ADRA1A: variants seen among roughly 807,000 people sequenced by gnomAD.
ADRA1A encodes alpha-1A adrenergic receptor.
Under a neutral mutation model 29.6 loss-of-function variants are expected in ADRA1A, and 31 were observed. The observed-to-expected ratio is 1.05, with a 90% CI of 0.79 to 1.41. ADRA1A has a LOEUF of 1.41. Ranked by LOEUF, ADRA1A falls within the 40% of genes most tolerant of loss-of-function variation. The pLI is 0.00. For synonymous variants in ADRA1A, 311 were observed against 254.3 expected, an observed-to-expected ratio of 1.22 and a Z score of -2.12; for missense variants, 619 against 601.1, an observed-to-expected ratio of 1.03 and a Z score of -0.31.
intron 2 of ADRA1A, among the ~76,000 whole-genome samples, chr8:26,857,816 G>T (rs568897830): frequency 1.3e-5 from 2 of 152,146 alleles, no homozygotes; most frequent in African/African-American, 4.8e-5. Context: ...TTGGGCATCC[G>T]CAGAGGGTTT....
At chr8:26,786,640 C>T (rs745782288) in intron 2 of ADRA1A, among the ~76,000 whole-genome samples, 5 of 151,944 alleles carry the variant, frequency 3.3e-5, no homozygotes, top group Non-Finnish European at 4.4e-5. Flanking sequence ...CAACCTCTGT[C>T]CCCTCCACTC....
At chr8:26,788,746 T>C (rs980284817) in intron 2 of ADRA1A, among the ~76,000 whole-genome samples, 1 of 152,084 alleles carries the variant, frequency 6.6e-6, no homozygotes, top group Non-Finnish European at 1.5e-5. Context: ...AACCCATGCT[T>C]GCCTGGCTCC....
chr8:26,859,256 A>G (rs889515845), intron 2 of ADRA1A: 2 of 1,157,704 alleles, frequency 1.7e-6, no homozygotes, highest in East Asian at 5.8e-5. Flanking sequence ...CACATTTTGC[A>G]TGAAAAACAT....
At chr8:26,819,143 C>A (rs1809976730) in intron 2 of ADRA1A, among the ~76,000 whole-genome samples, 1 of 152,012 alleles carries the variant, frequency 6.6e-6, no homozygotes, top group South Asian at 2.1e-4. Flanking sequence ...ACAGGAGAAA[C>A]CTTGCTGGCC....
downstream of ADRA1A, among the ~76,000 whole-genome samples, chr8:26,751,846 A>G (rs1363693675): frequency 3.9e-5 from 6 of 152,218 alleles, no homozygotes; most frequent in Admixed American, 6.5e-5. Context: ...CTCGTTTTAC[A>G]GGTAAGGAAA....
At chr8:26,814,442 TG>T (rs1378967663) in intron 2 of ADRA1A, among the ~76,000 whole-genome samples, 2 of 152,250 alleles carry the variant, frequency 1.3e-5, no homozygotes, top group East Asian at 3.9e-4. Context: ...AAAAAGTATT[TG>T]TAGAGATGGG....
intron 2 of ADRA1A, among the ~76,000 whole-genome samples, chr8:26,783,017 C>A (rs1420282324): frequency 1.3e-5 from 2 of 152,174 alleles, no homozygotes; most frequent in Admixed American, 6.5e-5. Context: ...CATTCCAGTT[C>A]TGGCCACCAC....
At chr8:26,820,679 T>G (rs1245358100) in intron 2 of ADRA1A, among the ~76,000 whole-genome samples, 1 of 152,198 alleles carries the variant, frequency 6.6e-6, no homozygotes, top group African/African-American at 2.4e-5. Flanking sequence ...CACATGCCTA[T>G]GCCAATATGC....
chr8:26,758,507 A>C (rs983944513), intron 2 of ADRA1A, among the ~76,000 whole-genome samples: 10 of 152,226 alleles, frequency 6.6e-5, no homozygotes, highest in African/African-American at 2.4e-4. Flanking sequence ...TTATCACCTC[A>C]TAAGGCATTT....
Position 26,794,434 on chromosome 8 carries a change from G to T in ADRA1A, c.884-23768C>A, listed in dbSNP as rs1050506337. On this transcript the variant is annotated intron_variant, in intron 2 of 2. Transcript: ENST00000380573. The stretch of plus-strand genomic sequence containing the variant: ...TCTTGCATGAATTTTGGGATACAGG[G>T]CCAGATAGTAAATATTTTAGGCCTT... Among the ~76,000 whole-genome samples, 4 of 152,140 alleles carry T rather than the reference G, an allele frequency of 2.6e-5. No individual in the cohort carries two copies. In the East Asian group the frequency reaches 7.7e-4, roughly 29 times the overall value.
intron 2 of ADRA1A, among the ~76,000 whole-genome samples, chr8:26,837,484 C>T (rs1811465124): frequency 1.3e-5 from 2 of 152,072 alleles, no homozygotes; most frequent in Admixed American, 1.3e-4. Flanking sequence ...AACCCCATCT[C>T]TATTAAAAAC....
intron 2 of ADRA1A, among the ~76,000 whole-genome samples, chr8:26,801,259 A>T (rs1808556262): frequency 6.6e-6 from 1 of 152,158 alleles, no homozygotes; most frequent in South Asian, 2.1e-4. Context: ...TTAACATGGT[A>T]CTGGGAGTCC....
downstream of ADRA1A, among the ~76,000 whole-genome samples, chr8:26,755,414 G>A (rs1805116796): frequency 6.6e-6 from 1 of 152,144 alleles, no homozygotes; most frequent in Non-Finnish European, 1.5e-5. Flanking sequence ...GAGCAGTTGT[G>A]TGGTTTGCCT....
At chr8:26,765,186 T>C (rs1342937502), downstream of ADRA1A, among the ~76,000 whole-genome samples, 1 of 152,148 alleles carries the variant, frequency 6.6e-6, no homozygotes, top group African/African-American at 2.4e-5. Flanking sequence ...TCCTTTTAGG[T>C]GGGAGAACCA....
At chr8:26,788,743 G>A (rs34111897) in intron 2 of ADRA1A, among the ~76,000 whole-genome samples, 12,973 of 151,994 alleles carry the variant, frequency 0.085, 849 homozygotes, top group African/African-American at 0.17. Context: ...TCAAACCCAT[G>A]CTTGCCTGGC....
rs143451564 is a variant in ADRA1A at position 26,769,870 on chromosome 8, A to G, written c.*279T>C. 1.3e-5 allele frequency: 15 copies of G among 1,178,466 alleles called. No homozygotes were observed. In the African/African-American group the frequency reaches 2.0e-4, roughly 16 times the overall value. 73.0% of individuals were successfully genotyped at this position (1,178,466 alleles called of 1,614,324 possible). A position where few individuals can be genotyped will look rare whatever the true frequency, so the allele number is the denominator to read the frequency against. On this transcript the variant is annotated 3_prime_UTR_variant, in exon 3 of 3. Transcript: ENST00000380573. ...GATTGTGCATGAAATTCTGTTTCCC[A>G]TGGTGGTTTTCGTTGAAGTGGGCAC...
At chr8:26,783,923 G>A (rs13264987) in intron 2 of ADRA1A, among the ~76,000 whole-genome samples, 59,846 of 151,886 alleles carry the variant, frequency 0.39, 12,788 homozygotes, top group African/African-American at 0.56. Context: ...GCAAACTAAC[G>A]CAGGAACAGA....
intron 2 of ADRA1A, among the ~76,000 whole-genome samples, chr8:26,800,073 T>C (rs993672602): frequency 1.4e-4 from 22 of 152,070 alleles, no homozygotes; most frequent in Admixed American, 1.4e-3. Context: ...AGCCTGATCA[T>C]CATTGTGAAA....
chr8:26,773,894 C>T (rs528875421), intron 2 of ADRA1A, among the ~76,000 whole-genome samples: 2 of 152,264 alleles, frequency 1.3e-5, no homozygotes, highest in African/African-American at 2.4e-5. Flanking sequence ...CAGGTGAATC[C>T]TGGCCTCCCC....
Sources: gnomAD v4.1 joint callset for allele counts (sites outside exome capture counted in the v4.1 genomes callset) on GRCh38, gnomAD v4.1.1 for gene constraint, MANE v1.5 for transcripts, NCBI Gene and HGNC (gene_info 2026-07-23, HGNC 2026-07-21) for gene names.